The following ADRA1D variants were observed in gnomAD, a reference collection of about 807,000 sequenced individuals.
The protein encoded by ADRA1D is alpha-1D adrenergic receptor.
In ADRA1D, 22 loss-of-function variants were observed where a neutral mutation model predicts 18.6. The observed-to-expected ratio is 1.19, with a 90% CI of 0.85 to 1.69. The LOEUF (loss-of-function observed/expected upper bound fraction) is 1.69, where lower values mean the gene tolerates loss of function less well. Among genes scored for constraint, ADRA1D ranks in the 40% most tolerant of loss-of-function variants. The probability of loss-of-function intolerance (pLI) is 0.00; values close to 1 mark genes in which losing one functional copy is unlikely to be tolerated. For missense variants in ADRA1D, 840 were observed against 840.7 expected, an observed-to-expected ratio of 1.00 and a Z score of 0.01; for synonymous variants, 376 against 388.2, an observed-to-expected ratio of 0.97 and a Z score of 0.37.
chr20:4,241,723 C>T (rs1436442363), intron 1 of ADRA1D, among the ~76,000 whole-genome samples: 2 of 152,188 alleles, frequency 1.3e-5, no homozygotes, highest in South Asian at 2.1e-4. Flanking sequence ...CCTGCACAAC[C>T]TCAGGCAGCC....
At chr20:4,234,622 C>A (rs1981046632) in intron 1 of ADRA1D, among the ~76,000 whole-genome samples, 1 of 152,144 alleles carries the variant, frequency 6.6e-6, no homozygotes, top group African/African-American at 2.4e-5. Flanking sequence ...TCCTCTCCCC[C>A]AGTTTGCTCA....
intron 1 of ADRA1D, among the ~76,000 whole-genome samples, chr20:4,231,771 C>T (rs997451093): frequency 2.0e-5 from 3 of 152,172 alleles, no homozygotes; most frequent in Non-Finnish European, 4.4e-5. Flanking sequence ...TCCTGGTCCT[C>T]TCCTGACATC....
chr20:4,249,103 G>T lies in ADRA1D; in HGVS notation c.-146C>A. ...CCTGCCCAAGTTCCTGTGACGCGGA[G>T]CGCGGCTGTCCGAGAGCGGAGCTGC... On this transcript the variant is annotated 5_prime_UTR_variant, in exon 1 of 2. Transcript: ENST00000379453. 1.5e-6 allele frequency: 1 copy of T among 656,146 alleles called. No individual in the cohort carries two copies. Among genetic ancestry groups the T allele is most frequent in the African/African-American group, 2.0e-5 (1 of 50,870 alleles). The allele number at this position is 656,146 out of a possible 1,614,324, so 40.6% of individuals were successfully genotyped here. A position where few individuals can be genotyped will look rare whatever the true frequency, so the allele number is the denominator to read the frequency against.
intron 1 of ADRA1D, among the ~76,000 whole-genome samples, chr20:4,227,704 C>CTTCCCTTCCTTCCTTCCT (rs1555820747): frequency 1.2e-4 from 11 of 92,616 alleles, no homozygotes; most frequent in Admixed American, 4.4e-4. Context: ...CCCTCCCTCC[C>CTTCCCTTCCTTCCTTCCT]TCCTTCCTTC....
chr20:4,247,603 G>A (rs946674955), intron 1 of ADRA1D, among the ~76,000 whole-genome samples: 2 of 152,228 alleles, frequency 1.3e-5, no homozygotes, highest in African/African-American at 2.4e-5. Context: ...TAAGCCCAAG[G>A]CTTGGAAAAG....
Position 4,221,478 on chromosome 20 carries a change from C to A in ADRA1D, c.*45G>T. 1 of 1,560,918 alleles carries A rather than the reference C, an allele frequency of 6.4e-7. No individual in the cohort carries two copies. Among genetic ancestry groups the A allele is most frequent in the South Asian group, 1.2e-5 (1 of 83,456 alleles). On this transcript the variant is annotated 3_prime_UTR_variant, in exon 2 of 2. Transcript: ENST00000379453. Reference sequence around the variant, plus strand: ...ACACCAGCCCGCCTCTCTGGTCCCCCTTACCCCCAAGCCCAGCACACTCCG... The same window carrying A: ...ACACCAGCCCGCCTCTCTGGTCCCCATTACCCCCAAGCCCAGCACACTCCG...
chr20:4,235,155 A>T (rs1208114583), intron 1 of ADRA1D, among the ~76,000 whole-genome samples: 1 of 152,144 alleles, frequency 6.6e-6, no homozygotes. Flanking sequence ...TTCACTTGAG[A>T]TGCGCCGGGT....
At chr20:4,246,193 A>ACT (rs1981333312) in intron 1 of ADRA1D, among the ~76,000 whole-genome samples, 1 of 152,064 alleles carries the variant, frequency 6.6e-6, no homozygotes, top group African/African-American at 2.4e-5. Flanking sequence ...AGTGCCGTGG[A>ACT]CTCAGTGATG....
At chr20:4,236,618 A>C (rs1487841218) in intron 1 of ADRA1D, among the ~76,000 whole-genome samples, 1 of 152,174 alleles carries the variant, frequency 6.6e-6, no homozygotes, top group African/African-American at 2.4e-5. Flanking sequence ...TGGTAGATGG[A>C]ATAATGCCCC....
rs780564283 is a variant in ADRA1D, at chr20:4,248,601, G to A, written c.357C>T (p.Leu119=). ...MAVAGNLLVI[L]SVACNRHLQT... ...GCAGGTGGCGGTTGCAGGCCACTGA[G>A]AGGATGACAAGCAGGTTACCTGCCA... The change falls in exon 1 of 2, where the codon CTC becomes CTT. Residue 119 remains leucine, a synonymous_variant. Transcript: ENST00000379453. 1.4e-5 allele frequency: 23 copies of A among 1,613,408 alleles called. No individual in the cohort carries two copies. The South Asian group carries it at 2.2e-4, about 15-fold the overall frequency.
intron 1 of ADRA1D, among the ~76,000 whole-genome samples, chr20:4,236,844 C>A (rs1231862476): frequency 6.6e-6 from 1 of 152,174 alleles, no homozygotes; most frequent in African/African-American, 2.4e-5. Context: ...CCAAGACATC[C>A]AGTGGCCTCT....
intron 1 of ADRA1D, among the ~76,000 whole-genome samples, chr20:4,225,413 CTTTT>C (rs796944639): frequency 7.9e-6 from 1 of 126,322 alleles, no homozygotes; most frequent in African/African-American, 3.1e-5. Context: ...GTAGCTATTA[CTTTT>C]TTTTTTCTTT....
chr20:4,246,547 A>C (rs1981340115), intron 1 of ADRA1D, among the ~76,000 whole-genome samples: 1 of 152,136 alleles, frequency 6.6e-6, no homozygotes, highest in Admixed American at 6.6e-5. Flanking sequence ...GGGAAGCGGC[A>C]AGACCGTGAC....
rs1481491178 is a variant in ADRA1D at position 4,248,196 on chromosome 20, G to T, written c.762C>A (p.Tyr254Ter). 1.9e-6 allele frequency: 3 copies of T among 1,589,104 alleles called. No individual in the cohort carries two copies. The highest frequency in any genetic ancestry group is 2.3e-5 in the South Asian group (2 of 87,460). The change falls in exon 1 of 2, where the codon TAC (tyrosine) becomes TAA (stop). Residue 254 changes from tyrosine (Y) to a stop codon, truncating the protein, a stop_gained. Coordinates refer to ENST00000379453, the MANE Select transcript of ADRA1D (RefSeq NM_000678.4). LOFTEE classifies it high-confidence loss of function. ...AGGAGCACACGGAGGAGAAGACAGCGTAGCCCGCCTCCTCGGTGATACCGC... is the reference window on the plus strand; with the variant it reads ...AGGAGCACACGGAGGAGAAGACAGCTTAGCCCGCCTCCTCGGTGATACCGC... ...RFCGITEEAG[Y>*]AVFSSVCSFY...
rs185706006 is a variant in ADRA1D at position 4,237,178 on chromosome 20, T to C, written c.1111+10669A>G. The stretch of plus-strand genomic sequence containing the variant: ...GACCAGGAGGGAGATGGGAGAGAGA[T>C]ATTAAGGGTCATAAGAAGAAAGGGG... On this transcript the variant is annotated intron_variant, in intron 1 of 1. Coordinates refer to ENST00000379453, the MANE Select transcript of ADRA1D (RefSeq NM_000678.4). Among the ~76,000 whole-genome samples the C allele has an allele frequency of 1.9e-4, 29 of 151,468 alleles. No homozygotes were observed. In the East Asian group the frequency reaches 4.9e-3, roughly 25 times the overall value.
Position 4,221,673 on chromosome 20 carries a change from G to A in ADRA1D, c.1569C>T (p.Ala523=), listed in dbSNP as rs771496988. 23 of 1,612,480 alleles carry A rather than the reference G, an allele frequency of 1.4e-5. No homozygotes were observed. In the African/African-American group the frequency reaches 2.7e-4, roughly 19 times the overall value. The change falls in exon 2 of 2, where the codon GCC becomes GCT. Residue 523 remains alanine (A), a synonymous_variant. Coordinates refer to ENST00000379453, the MANE Select transcript of ADRA1D (RefSeq NM_000678.4). ...CTGCCTCTGCGCGCTGCGCGCCCCC[G>A]GCGCGGATCTTGTGCGACAGGCTGG... is the stretch of plus-strand genomic sequence containing the variant. ...KVSSLSHKIR[A]GGAQRAEAAC... is the part of the protein sequence containing the mutation.
intron 1 of ADRA1D, 84 bp downstream of exon 1, chr20:4,247,763 G>A (rs1313419886): frequency 1.4e-6 from 2 of 1,389,302 alleles, no homozygotes; most frequent in Admixed American, 6.6e-5. Context: ...GTTCAGGTGG[G>A]GGTCGCCCAA....
At chr20:4,230,492 G>T (rs1307166922) in intron 1 of ADRA1D, among the ~76,000 whole-genome samples, 1 of 152,218 alleles carries the variant, frequency 6.6e-6, no homozygotes, top group Non-Finnish European at 1.5e-5. Context: ...GCCTTGGCTT[G>T]CTCTGTCATT....
In ADRA1D at chr20:4,220,643, C is replaced by T. The variant is rs1324003205; in HGVS notation, c.*880G>A. The T allele has an allele frequency of 6.6e-6, 1 of 152,464 alleles. No individual in the cohort carries two copies. Among genetic ancestry groups the T allele is most frequent in the Non-Finnish European group, 1.5e-5 (1 of 68,034 alleles). The allele number at this position is 152,464 out of a possible 1,614,324, so 9.4% of individuals were successfully genotyped here. ...TGAAACTAGAAAGGCAAATGTAGAC[C>T]CAATCTATTCTGTTGCGGGCCTTTA... On this transcript the variant is annotated 3_prime_UTR_variant, in exon 2 of 2. Coordinates refer to ENST00000379453, the MANE Select transcript of ADRA1D (RefSeq NM_000678.4).
Sources: gnomAD v4.1 joint callset for allele counts (sites outside exome capture counted in the v4.1 genomes callset) on GRCh38, gnomAD v4.1.1 for gene constraint, MANE v1.5 for transcripts, NCBI Gene and HGNC (gene_info 2026-07-23, HGNC 2026-07-21) for gene names.